DOCK10: variants seen among roughly 807,000 people sequenced by gnomAD.
DOCK10 encodes the protein dedicator of cytokinesis 10.
Under a neutral mutation model 280.1 loss-of-function variants are expected in DOCK10, and 145 were observed. The ratio of observed to expected loss-of-function variants is 0.52; its 90% confidence interval spans 0.45 to 0.59. The LOEUF is 0.59. Ranked by LOEUF, DOCK10 falls within the 20% of genes least tolerant of loss-of-function variation. The pLI is 0.00. For synonymous variants in DOCK10, 915 were observed against 942.2 expected, an observed-to-expected ratio of 0.97 and a Z score of 0.53; for missense variants, 2,368 against 2,651.7, an observed-to-expected ratio of 0.89 and a Z score of 2.35.
intron 4 of DOCK10, among the ~76,000 whole-genome samples, chr2:224,886,888 A>ACCC (rs200245451): frequency 7.0e-6 from 1 of 142,482 alleles, no homozygotes; most frequent in African/African-American, 2.9e-5. Flanking sequence ...CACCCCCAAC[A>ACCC]CCCCCCCAAG....
chr2:224,856,040 C>T (rs867746747), intron 15 of DOCK10, among the ~76,000 whole-genome samples: 5 of 152,298 alleles, frequency 3.3e-5, no homozygotes, highest in Middle Eastern at 3.4e-3. Flanking sequence ...AGTGAAGCCT[C>T]ATTGATAGGT....
At chr2:225,041,399 T>C (rs563807029) in intron 1 of DOCK10, among the ~76,000 whole-genome samples, 3 of 152,272 alleles carry the variant, frequency 2.0e-5, no homozygotes, top group East Asian at 3.9e-4. Context: ...TTGATTTGTC[T>C]CTTGCCACCT....
At chr2:224,773,108 C>T (rs1001923177) in intron 53 of DOCK10, 49 bp downstream of exon 53, 1 of 1,496,944 alleles carries the variant, frequency 6.7e-7, no homozygotes, top group Admixed American at 2.1e-5. Context: ...CATTTTACAC[C>T]TGGTTTCATT....
chr2:225,014,038 A>G (rs1689516394), intron 1 of DOCK10, among the ~76,000 whole-genome samples: 1 of 151,320 alleles, frequency 6.6e-6, no homozygotes, highest in East Asian at 1.9e-4. Flanking sequence ...CATGATTTAG[A>G]AATTCAAAAA....
At chr2:224,835,191 A>C (rs896201940) in intron 25 of DOCK10, among the ~76,000 whole-genome samples, 2 of 152,252 alleles carry the variant, frequency 1.3e-5, no homozygotes, top group Non-Finnish European at 1.5e-5. Context: ...TGGATGCATG[A>C]AACTAGATAA....
intron 1 of DOCK10, among the ~76,000 whole-genome samples, chr2:225,008,909 GT>G (rs1255611578): frequency 1.3e-5 from 2 of 152,146 alleles, no homozygotes; most frequent in Non-Finnish European, 2.9e-5. Context: ...AACAAGCACC[GT>G]TTCCACCTCT....
intron 1 of DOCK10, among the ~76,000 whole-genome samples, chr2:224,979,767 C>T (rs139162368): frequency 6.6e-6 from 1 of 152,350 alleles, no homozygotes; most frequent in African/African-American, 2.4e-5. Context: ...TACATCCCGG[C>T]ACTTTTCTAA....
At position 224,916,728 on chromosome 2, in the gene DOCK10, T is replaced by A. The variant is rs1277650003; in HGVS notation, c.300A>T (p.Ala100=). 1 of 1,611,270 alleles carries A rather than the reference T, an allele frequency of 6.2e-7. No individual in the cohort carries two copies. The highest frequency in any genetic ancestry group is 2.2e-5 in the East Asian group (1 of 44,876). The change falls in exon 3 of 56, where the codon GCA becomes GCT. Residue 100 remains alanine (A), a synonymous_variant. Coordinates refer to ENST00000258390, the MANE Select transcript of DOCK10 (RefSeq NM_014689.3). The stretch of plus-strand genomic sequence containing the variant: ...CCAGTAAATTTTCTGCCTTGTGCTC[T>A]GCATCTTCAGGTACTGTTGAGTACA... The part of the protein sequence containing the change: ...RTLYSTVPED[A]EHKAENLLVK...
chr2:224,856,720 G>A, intron 15 of DOCK10, 140 bp downstream of exon 15: 1 of 666,536 alleles, frequency 1.5e-6, no homozygotes, highest in Non-Finnish European at 2.3e-6. Flanking sequence ...GTGCTATTTG[G>A]GCATATGTGA....
intron 18 of DOCK10, among the ~76,000 whole-genome samples, chr2:224,851,871 T>C (rs1038128573): frequency 6.6e-6 from 1 of 152,168 alleles, no homozygotes; most frequent in Non-Finnish European, 1.5e-5. Context: ...TTTATGGATC[T>C]TACTAAATCA....
chr2:224,871,999 G>A (rs1698318363), intron 11 of DOCK10, among the ~76,000 whole-genome samples: 1 of 152,108 alleles, frequency 6.6e-6, no homozygotes, highest in Non-Finnish European at 1.5e-5. Flanking sequence ...GGACAAGTTT[G>A]GCTCACAGTA....
chr2:225,015,728 G>T (rs776347296), intron 1 of DOCK10, among the ~76,000 whole-genome samples: 2 of 152,106 alleles, frequency 1.3e-5, no homozygotes, highest in African/African-American at 4.8e-5. Flanking sequence ...TTCTAGACGC[G>T]CTATTTCTTT....
At chr2:224,821,918 T>A (rs949515567) in intron 28 of DOCK10, among the ~76,000 whole-genome samples, 1 of 151,854 alleles carries the variant, frequency 6.6e-6, no homozygotes, top group Non-Finnish European at 1.5e-5. Flanking sequence ...AAAGTAAAAA[T>A]CAGAGACAAA....
At chr2:224,982,745 C>T (rs1377514454) in intron 1 of DOCK10, among the ~76,000 whole-genome samples, 1 of 152,094 alleles carries the variant, frequency 6.6e-6, no homozygotes, top group Non-Finnish European at 1.5e-5. Flanking sequence ...CAACTGAAAA[C>T]CTGACTTTAC....
At chr2:225,040,923 T>C (rs894578735) in intron 1 of DOCK10, among the ~76,000 whole-genome samples, 4 of 152,226 alleles carry the variant, frequency 2.6e-5, no homozygotes, top group African/African-American at 9.6e-5. Context: ...CAGTACCACA[T>C]GCTGTCCCTG....
At chr2:224,990,219 T>C (rs1014141837) in intron 1 of DOCK10, among the ~76,000 whole-genome samples, 2 of 152,214 alleles carry the variant, frequency 1.3e-5, no homozygotes, top group Admixed American at 1.3e-4. Context: ...ATTTAAATGT[T>C]CCATTAATAA....
intron 14 of DOCK10, among the ~76,000 whole-genome samples, chr2:224,858,755 C>T (rs1697313380): frequency 6.6e-6 from 1 of 152,138 alleles, no homozygotes. Flanking sequence ...GTTCCAACTG[C>T]TACAGTTGAG....
chr2:224,838,307 A>T (rs547823957), intron 24 of DOCK10, among the ~76,000 whole-genome samples: 97 of 152,328 alleles, frequency 6.4e-4, no homozygotes, highest in Admixed American at 2.3e-3. Flanking sequence ...TTAGGTTAAG[A>T]TGCAGTTGTT....
intron 3 of DOCK10, among the ~76,000 whole-genome samples, chr2:224,899,993 G>A (rs971699588): frequency 4.6e-5 from 7 of 152,034 alleles, no homozygotes; most frequent in African/African-American, 1.7e-4. Context: ...TTAGTTCTTG[G>A]GCATTCACAA....
Sources: allele counts gnomAD v4.1 joint callset (sites outside exome capture counted in the v4.1 genomes callset), GRCh38; gene constraint gnomAD v4.1.1; transcripts MANE v1.5; gene names NCBI Gene and HGNC (gene_info 2026-07-23, HGNC 2026-07-21).